Variants in UPP2 observed in about 807,000 individuals in gnomAD.
UPP2 encodes uridine phosphorylase 2, also known as UPase 2.
UPP2 carries 23 observed loss-of-function variants against 26.7 expected under a neutral mutation model. The observed-to-expected ratio is 0.86, with a 90% CI of 0.62 to 1.22. The LOEUF (loss-of-function observed/expected upper bound fraction) is 1.22. UPP2 is among the 50% of genes most tolerant of loss of function. UPP2 has a pLI of 0.00. For synonymous variants in UPP2, 127 were observed against 141.3 expected, an observed-to-expected ratio of 0.90 and a Z score of 0.72; for missense variants, 387 against 396.7, an observed-to-expected ratio of 0.98 and a Z score of 0.21.
intron 2 of UPP2, among the ~76,000 whole-genome samples, chr2:158,108,372 T>G (rs769563051): frequency 7.9e-5 from 12 of 152,134 alleles, no homozygotes; most frequent in Admixed American, 1.3e-4. Flanking sequence ...GTAAGTCAAA[T>G]AGCTGAGATT....
In UPP2 at chr2:158,134,835, G is replaced by C; in HGVS notation, c.899G>C (p.Arg300Pro). The part of the protein sequence containing the change: ...PHDVLVEYQQ[R>P]PQLLISNFIR... ...GATGTCCTGGTGGAGTACCAGCAAC[G>C]GCCTCAGCTCCTAATCTCCAACTTC... The change falls in exon 7 of 7, where the codon CGG becomes CCG. Residue 300 changes from arginine (R) to proline (P), a missense_variant. By Grantham distance (103) the Arg-to-Pro change is moderately radical. Transcript: ENST00000005756. The C allele has an allele frequency of 6.2e-7, 1 of 1,613,550 alleles. No individual in the cohort carries two copies. Among genetic ancestry groups the C allele is most frequent in the Non-Finnish European group, 8.5e-7 (1 of 1,179,714 alleles).
intron 2 of UPP2, among the ~76,000 whole-genome samples, chr2:158,106,862 C>T (rs976332377): frequency 3.3e-5 from 5 of 152,264 alleles, no homozygotes; most frequent in African/African-American, 7.2e-5. Context: ...TAAACATAGA[C>T]ATGATCAACT....
intron 4 of UPP2, among the ~76,000 whole-genome samples, chr2:158,119,831 G>A (rs1256745013): frequency 6.6e-6 from 1 of 151,660 alleles, no homozygotes; most frequent in Non-Finnish European, 1.5e-5. Context: ...CCAATGTGGT[G>A]AAACCCCATC....
At chr2:158,013,639 A>G (rs1683613836) in intron 2 of UPP2, among the ~76,000 whole-genome samples, 1 of 152,198 alleles carries the variant, frequency 6.6e-6, no homozygotes, top group Admixed American at 6.5e-5. Flanking sequence ...TTTGATGAGG[A>G]AGAGGTGAGA....
chr2:158,068,411 C>A (rs1469216703), intron 3 of UPP2, among the ~76,000 whole-genome samples: 1 of 152,060 alleles, frequency 6.6e-6, no homozygotes, highest in Non-Finnish European at 1.5e-5. Context: ...CATATTTATT[C>A]CAACGATCTT....
At position 158,082,662 on chromosome 2, in the gene UPP2, G is replaced by T. The variant is rs540198698; in HGVS notation, c.148-19378G>T. ...ACATGAGCGTAGGCGAAGATTTCATGACTAAAACACCAAAAGCAATGGCAA... is the reference window on the plus strand; with the variant it reads ...ACATGAGCGTAGGCGAAGATTTCATTACTAAAACACCAAAAGCAATGGCAA... On this transcript the variant is annotated intron_variant, in intron 3 of 9. Transcript: ENST00000605860. 3.3e-5 allele frequency among the ~76,000 whole-genome samples: 5 copies of T among 152,278 alleles called. No individual in the cohort carries two copies. The East Asian group carries it at 9.6e-4, about 29-fold the overall frequency.
At chr2:158,007,995 A>G (rs1683519365) in intron 2 of UPP2, among the ~76,000 whole-genome samples, 1 of 152,308 alleles carries the variant, frequency 6.6e-6, no homozygotes, top group African/African-American at 2.4e-5. Flanking sequence ...AAAGCAATCA[A>G]TTTTCAAGCT....
intron 3 of UPP2, among the ~76,000 whole-genome samples, chr2:158,057,846 T>G (rs1405278814): frequency 2.6e-5 from 4 of 152,142 alleles, no homozygotes; most frequent in Admixed American, 6.6e-5. Context: ...CCTCATGTTA[T>G]GAACTGAATT....
Position 158,123,274 on chromosome 2 carries a change from C to T in UPP2, c.665-475C>T, listed in dbSNP as rs180702413. Reference sequence around the variant, plus strand: ...AGTGTGCGGAAAGGGGGAAGGTGGACAATGTCGCAAAGGCATATGGAGAGG... The same window carrying T: ...AGTGTGCGGAAAGGGGGAAGGTGGATAATGTCGCAAAGGCATATGGAGAGG... On this transcript the variant is annotated intron_variant, in intron 5 of 6. Transcript: ENST00000005756. Among the ~76,000 whole-genome samples, 182 of 152,206 alleles carry T rather than the reference C, an allele frequency of 1.2e-3. 1 individual carries two copies. The highest frequency in any genetic ancestry group is 4.2e-3 in the African/African-American group (173 of 41,526).
chr2:158,007,836 G>A (rs556942478), intron 2 of UPP2, among the ~76,000 whole-genome samples: 3 of 152,180 alleles, frequency 2.0e-5, no homozygotes, highest in Admixed American at 2.0e-4. Flanking sequence ...TCCTGACCTC[G>A]TGATCCGCCT....
At chr2:158,033,762 A>G (rs1490798634) in intron 3 of UPP2, among the ~76,000 whole-genome samples, 1 of 152,190 alleles carries the variant, frequency 6.6e-6, no homozygotes, top group Admixed American at 6.5e-5. Context: ...TTAAAATGCT[A>G]CCATTAGGAG....
Position 158,057,741 on chromosome 2 carries a change from TTTG to T in UPP2, c.147+41858_147+41860del, listed in dbSNP as rs1220489875. On this transcript the variant is annotated intron_variant, in intron 3 of 9. Coordinates refer to the UPP2 transcript ENST00000605860. Reference sequence around the variant, plus strand: ...AGTCTACAGTTGATTCAGATTCTTTTTTGTTTTTTAACTTCTTTTTTTGTTGTT... The same window carrying T: ...AGTCTACAGTTGATTCAGATTCTTTTTTTTTTAACTTCTTTTTTTGTTGTT... Among the ~76,000 whole-genome samples the T allele has an allele frequency of 6.5e-3, 980 of 150,810 alleles. 20 individuals are homozygous for T. The highest frequency in any genetic ancestry group is 0.023 in the African/African-American group (931 of 40,852).
chr2:158,121,276 G>T (rs1683560309), intron 4 of UPP2, 133 bp from the exon 5 acceptor site: 1 of 809,190 alleles, frequency 1.2e-6, no homozygotes, highest in Non-Finnish European at 2.0e-6. Context: ...ATTTGGAAAA[G>T]AAAATAATTT....
intron 3 of UPP2, among the ~76,000 whole-genome samples, chr2:158,058,889 G>C (rs1223305129): frequency 1.3e-5 from 2 of 152,132 alleles, no homozygotes; most frequent in Admixed American, 1.3e-4. Context: ...AGAGTTGCAG[G>C]CACAATGCCT....
intron 3 of UPP2, among the ~76,000 whole-genome samples, chr2:158,036,361 C>T (rs1367953417): frequency 6.6e-6 from 1 of 152,016 alleles, no homozygotes; most frequent in African/African-American, 2.4e-5. Flanking sequence ...ACGACTGTAC[C>T]CCCGAGCGCT....
At chr2:158,000,190 C>G (rs57093404) in intron 2 of UPP2, among the ~76,000 whole-genome samples, 7,271 of 151,828 alleles carry the variant, frequency 0.048, 260 homozygotes, top group East Asian at 0.18. Context: ...TCAAGTGATT[C>G]TCCTGCCTCT....
At chr2:158,048,072 G>A (rs1300739261) in intron 3 of UPP2, among the ~76,000 whole-genome samples, 1 of 152,196 alleles carries the variant, frequency 6.6e-6, no homozygotes, top group East Asian at 1.9e-4. Context: ...GAAGGATTAA[G>A]GGGTGAGGCT....
chr2:158,018,942 C>A (rs761202681), intron 3 of UPP2, among the ~76,000 whole-genome samples: 10 of 152,142 alleles, frequency 6.6e-5, no homozygotes, highest in Non-Finnish European at 1.0e-4. Context: ...ATTGAGGGAA[C>A]TTATAGACAG....
At chr2:158,037,687 C>T (rs1202239773) in intron 3 of UPP2, among the ~76,000 whole-genome samples, 1 of 152,142 alleles carries the variant, frequency 6.6e-6, no homozygotes, top group Non-Finnish European at 1.5e-5. Context: ...CCTGTCTTCA[C>T]ATGACCATCT....
Sources: allele counts gnomAD v4.1 joint callset (sites outside exome capture counted in the v4.1 genomes callset), GRCh38; gene constraint gnomAD v4.1.1; transcripts MANE v1.5; gene names NCBI Gene and HGNC (gene_info 2026-07-23, HGNC 2026-07-21).